The following EVL variants were observed in gnomAD, a reference collection of about 807,000 sequenced individuals.
EVL encodes Enah/Vasp-like.
A neutral mutation model predicts 59.6 loss-of-function variants in EVL; 21 were observed. The observed-to-expected ratio is 0.35, with a 90% CI of 0.25 to 0.51. EVL has a LOEUF of 0.51. EVL is among the 20% of genes least tolerant of loss of function. EVL has a pLI of 0.97. For synonymous variants in EVL, 198 were observed against 203.5 expected (o/e 0.97, Z 0.23); for missense variants, 462 against 546.6 (o/e 0.85, Z 1.54).
chr14:100,002,663 G>C (rs2060953227), intron 1 of EVL, among the ~76,000 whole-genome samples: 1 of 152,018 alleles, frequency 6.6e-6, no homozygotes, highest in Non-Finnish European at 1.5e-5. Context: ...AGATTAATTA[G>C]GTCAGAAAAA....
chr14:100,055,140 C>T (rs907225345), intron 1 of EVL, among the ~76,000 whole-genome samples: 24 of 150,816 alleles, frequency 1.6e-4, no homozygotes, highest in African/African-American at 5.6e-4. Flanking sequence ...GGGAGGTTGC[C>T]GTGAGCTGAG....
rs1428049836 is a variant in EVL at position 99,988,781 on chromosome 14, A to C, written c.5+16724A>C. 2.0e-5 allele frequency among the ~76,000 whole-genome samples: 3 copies of C among 152,256 alleles called. No individual in the cohort carries two copies. In the East Asian group the frequency reaches 5.8e-4, roughly 29 times the overall value. ...GATATAACATGGATGAACATCAGAA[A>C]TATTATACTCAATGACAGGTGCAGT... On this transcript the variant is annotated intron_variant, in intron 1 of 13. Transcript: ENST00000402714.
chr14:100,070,703 G>C (rs1282446206), intron 1 of EVL, among the ~76,000 whole-genome samples: 1 of 152,158 alleles, frequency 6.6e-6, no homozygotes, highest in African/African-American at 2.4e-5. Context: ...CAGAGCCGGG[G>C]TCTTCATTCC....
chr14:100,091,293 A>T (rs1464091657), intron 2 of EVL, among the ~76,000 whole-genome samples: 1 of 152,108 alleles, frequency 6.6e-6, no homozygotes, highest in Non-Finnish European at 1.5e-5. Flanking sequence ...GGGTGCTAAG[A>T]CCCTCATTTC....
At chr14:100,097,134 T>C (rs573012730) in intron 2 of EVL, 24 of 187,446 alleles carry the variant, frequency 1.3e-4, no homozygotes, top group Non-Finnish European at 2.3e-4. Context: ...CCCCATCTTA[T>C]AAGTGGAGAA....
At chr14:99,989,687 A>G (rs935516380) in intron 1 of EVL, among the ~76,000 whole-genome samples, 2 of 152,362 alleles carry the variant, frequency 1.3e-5, no homozygotes, top group African/African-American at 2.4e-5. Context: ...GGTGGCTATC[A>G]TATTGGACAG....
chr14:100,004,416 A>G (rs527585043), intron 1 of EVL, among the ~76,000 whole-genome samples: 14 of 152,352 alleles, frequency 9.2e-5, no homozygotes, highest in African/African-American at 3.4e-4. Context: ...CTTATCATTT[A>G]TTAAGAGTAA....
intron 1 of EVL, among the ~76,000 whole-genome samples, chr14:99,976,418 C>T (rs1197296181): frequency 6.6e-6 from 1 of 152,106 alleles, no homozygotes; most frequent in Non-Finnish European, 1.5e-5. Context: ...TCTTTTACCT[C>T]CTTTAACATA....
intron 1 of EVL, among the ~76,000 whole-genome samples, chr14:100,002,809 A>G (rs531270928): frequency 1.3e-5 from 2 of 152,372 alleles, no homozygotes; most frequent in African/African-American, 2.4e-5. Flanking sequence ...AAAGATTTCC[A>G]TAAAAAGGTG....
intron 1 of EVL, among the ~76,000 whole-genome samples, chr14:99,984,943 T>A (rs1595542337): frequency 6.6e-6 from 1 of 152,076 alleles, no homozygotes; most frequent in East Asian, 1.9e-4. Context: ...AAGTCCAGCA[T>A]TTATTAAAGT....
At chr14:100,065,599 A>C in intron 1 of EVL, 88 bp downstream of exon 1, 75 of 724,634 alleles carry the variant, frequency 1.0e-4, no homozygotes, top group Non-Finnish European at 1.4e-4. Flanking sequence ...AAATTATCTC[A>C]GGTCCCCTTA....
At chr14:100,040,859 T>A (rs1360568954) in intron 1 of EVL, among the ~76,000 whole-genome samples, 1 of 152,174 alleles carries the variant, frequency 6.6e-6, no homozygotes, top group Non-Finnish European at 1.5e-5. Flanking sequence ...GAGGATGTAA[T>A]AACATAAAGT....
chr14:100,056,667 C>T (rs1343819492), intron 1 of EVL, among the ~76,000 whole-genome samples: 1 of 152,156 alleles, frequency 6.6e-6, no homozygotes. Flanking sequence ...ACTTCTGCTG[C>T]GGATGAGTTT....
intron 1 of EVL, among the ~76,000 whole-genome samples, chr14:100,054,557 A>G (rs1368740268): frequency 6.6e-6 from 1 of 152,032 alleles, no homozygotes; most frequent in Non-Finnish European, 1.5e-5. Flanking sequence ...CTCTAAATCA[A>G]CCCAGAACCA....
At chr14:100,132,564 C>T (rs907176724) in intron 7 of EVL, among the ~76,000 whole-genome samples, 155 bp from the exon 8 acceptor site, 4 of 152,198 alleles carry the variant, frequency 2.6e-5, no homozygotes, top group East Asian at 1.9e-4. Flanking sequence ...CCTCACCAGA[C>T]GGGGCCTAGA....
At chr14:100,001,679 C>T (rs923804214) in intron 1 of EVL, among the ~76,000 whole-genome samples, 8 of 152,188 alleles carry the variant, frequency 5.3e-5, no homozygotes, top group African/African-American at 1.9e-4. Flanking sequence ...TTTTCTTCCT[C>T]TTGAAGTCCC....
At chr14:100,031,478 A>T (rs906289681) in intron 1 of EVL, among the ~76,000 whole-genome samples, 1 of 152,242 alleles carries the variant, frequency 6.6e-6, no homozygotes, top group Non-Finnish European at 1.5e-5. Context: ...AGAGCACTGG[A>T]AAATGAAAAG....
At chr14:100,073,771 G>A (rs893398921) in intron 1 of EVL, among the ~76,000 whole-genome samples, 2 of 152,176 alleles carry the variant, frequency 1.3e-5, no homozygotes, top group African/African-American at 4.8e-5. Flanking sequence ...AAAGCCAGCA[G>A]TTATTCAAAG....
At chr14:100,141,318 CA>C in intron 12 of EVL, 72 bp downstream of exon 12, 1 of 1,538,094 alleles carries the variant, frequency 6.5e-7, no homozygotes, top group Non-Finnish European at 8.9e-7. Flanking sequence ...CTCTGACCAG[CA>C]TGGCCAGGCA....
Sources: gnomAD v4.1 joint callset for allele counts (sites outside exome capture counted in the v4.1 genomes callset) on GRCh38, gnomAD v4.1.1 for gene constraint, MANE v1.5 for transcripts, NCBI Gene and HGNC (gene_info 2026-07-23, HGNC 2026-07-21) for gene names.